The following IQCM variants were observed in gnomAD, a reference collection of about 807,000 sequenced individuals.
IQCM encodes the protein IQ domain-containing protein M.
Under a neutral mutation model 57.6 loss-of-function variants are expected in IQCM, and 45 were observed. The observed-to-expected ratio is 0.78, with a 90% confidence interval of 0.62 to 1.00. The LOEUF is 1.00. Among genes scored for constraint, IQCM ranks in the 50% least tolerant of loss-of-function variants. The pLI is 0.00. For missense variants in IQCM, 468 were observed against 511.6 expected (o/e 0.91, Z 0.82); for synonymous variants, 148 against 158.9 (o/e 0.93, Z 0.51).
At chr4:149,472,319 C>T (rs1173084409) in intron 12 of IQCM, among the ~76,000 whole-genome samples, 3 of 152,134 alleles carry the variant, frequency 2.0e-5, no homozygotes, top group African/African-American at 7.2e-5. Flanking sequence ...CATTCCTATA[C>T]ACCAATAACA....
chr4:149,797,170 A>G (rs1445460006), intron 2 of IQCM, among the ~76,000 whole-genome samples: 1 of 152,156 alleles, frequency 6.6e-6, no homozygotes, highest in African/African-American at 2.4e-5. Flanking sequence ...ATTCAAGATA[A>G]TACAGAGAAG....
At chr4:149,674,073 C>T (rs1460247771) in intron 7 of IQCM, among the ~76,000 whole-genome samples, 1 of 152,030 alleles carries the variant, frequency 6.6e-6, no homozygotes, top group East Asian at 1.9e-4. Flanking sequence ...GTATTCTGTA[C>T]TCAGAAGTCT....
chr4:149,652,652 C>A, intron 7 of IQCM, among the ~76,000 whole-genome samples: 1 of 151,500 alleles, frequency 6.6e-6, no homozygotes. Context: ...ACATCATTTC[C>A]AGAAATGAAG....
intron 12 of IQCM, 47 bp downstream of exon 12, chr4:149,548,408 A>G (rs1748671383): frequency 4.1e-6 from 5 of 1,222,276 alleles, no homozygotes; most frequent in Non-Finnish European, 5.1e-6. Flanking sequence ...AAAAGAAAGA[A>G]GTTGAAAGGA....
At chr4:149,663,622 G>A in intron 7 of IQCM, among the ~76,000 whole-genome samples, 1 of 147,350 alleles carries the variant, frequency 6.8e-6, no homozygotes, top group East Asian at 2.2e-4. Flanking sequence ...TTTACTGACA[G>A]TTGGTTTTCT....
At chr4:149,556,345 C>T (rs1323717639) in intron 10 of IQCM, among the ~76,000 whole-genome samples, 5 of 150,718 alleles carry the variant, frequency 3.3e-5, no homozygotes, top group African/African-American at 7.3e-5. Flanking sequence ...TGGAGAATTC[C>T]GCCATCACAT....
intron 13 of IQCM, among the ~76,000 whole-genome samples, chr4:149,386,196 G>T (rs1731412064): frequency 6.6e-6 from 1 of 152,060 alleles, no homozygotes; most frequent in Admixed American, 6.6e-5. Context: ...TCACTGTGAT[G>T]ACACCTCCAG....
chr4:149,604,648 T>C (rs1201056512), intron 8 of IQCM, among the ~76,000 whole-genome samples: 1 of 152,208 alleles, frequency 6.6e-6, no homozygotes, highest in Non-Finnish European at 1.5e-5. Flanking sequence ...GTCTGGTGTA[T>C]TTTGTTTGAT....
intron 13 of IQCM, among the ~76,000 whole-genome samples, chr4:149,372,014 A>G (rs1001469976): frequency 1.3e-5 from 2 of 152,184 alleles, no homozygotes; most frequent in Non-Finnish European, 2.9e-5. Flanking sequence ...CTGATATTTG[A>G]TTCTTCCAAC....
chr4:149,570,228 A>C (rs1341980862), intron 9 of IQCM, among the ~76,000 whole-genome samples: 2 of 152,110 alleles, frequency 1.3e-5, no homozygotes, highest in Non-Finnish European at 2.9e-5. Context: ...TTTAATAAGA[A>C]TTGATACTTT....
chr4:149,723,833 T>C (rs1257136433), intron 5 of IQCM, among the ~76,000 whole-genome samples: 1 of 151,960 alleles, frequency 6.6e-6, no homozygotes, highest in Non-Finnish European at 1.5e-5. Context: ...TCCTCCTTTT[T>C]GATATTTTGG....
chr4:149,641,538 C>T (rs2150115625), intron 7 of IQCM, among the ~76,000 whole-genome samples: 1 of 152,140 alleles, frequency 6.6e-6, no homozygotes, highest in South Asian at 2.1e-4. Context: ...TGTGTGTTTT[C>T]TCTTTTTGTA....
chr4:149,425,938 T>A (rs965627079), intron 13 of IQCM, among the ~76,000 whole-genome samples: 1 of 152,050 alleles, frequency 6.6e-6, no homozygotes. Context: ...TATTTTATAC[T>A]GCCAGATGTA....
rs561691015 is a variant in IQCM, at chr4:149,479,406, C to T, written c.1229-45849G>A. On this transcript the variant is annotated intron_variant, in intron 12 of 13. Transcript: ENST00000636793. ...AAAATAATACCAATGATAATAATTA[C>T]AAATCTCAATTATTTGAGACTATTT... is the stretch of plus-strand genomic sequence containing the variant. Among the ~76,000 whole-genome samples, 4 of 152,290 alleles carry T rather than the reference C, an allele frequency of 2.6e-5. No individual in the cohort carries two copies. In the East Asian group the frequency reaches 5.8e-4, roughly 22 times the overall value.
At chr4:149,628,004 A>T (rs1579762851) in intron 7 of IQCM, among the ~76,000 whole-genome samples, 1 of 152,328 alleles carries the variant, frequency 6.6e-6, no homozygotes, top group Non-Finnish European at 1.5e-5. Flanking sequence ...CTTCCCTAGC[A>T]TCTCTGGAAG....
At chr4:149,448,441 C>T (rs1270075364) in intron 12 of IQCM, among the ~76,000 whole-genome samples, 1 of 151,356 alleles carries the variant, frequency 6.6e-6, no homozygotes, top group East Asian at 1.9e-4. Flanking sequence ...TGCCTTAAAA[C>T]TCTTGAAAAG....
intron 7 of IQCM, among the ~76,000 whole-genome samples, chr4:149,624,684 G>A (rs1247074516): frequency 6.6e-6 from 1 of 152,096 alleles, no homozygotes; most frequent in Non-Finnish European, 1.5e-5. Flanking sequence ...TCTTAGTATC[G>A]CAAATGAATA....
chr4:149,512,907 T>C (rs1483168208), intron 12 of IQCM, among the ~76,000 whole-genome samples: 1 of 152,162 alleles, frequency 6.6e-6, no homozygotes, highest in Non-Finnish European at 1.5e-5. Context: ...TAATCTAAGT[T>C]TACAATGTCT....
rs368729431 is a variant in IQCM at position 149,452,632 on chromosome 4, T to C, written c.1229-19075A>G. On this transcript the variant is annotated intron_variant, in intron 12 of 13. Coordinates refer to ENST00000636793, the MANE Select transcript of IQCM (RefSeq NM_001363507.2). ...CATATAAAAAGCTGTACAAAATTAG[T>C]GTATACATATTGTGCATAAGTGTAT... 7.3e-5 allele frequency among the ~76,000 whole-genome samples: 11 copies of C among 151,648 alleles called. No homozygotes were observed. The East Asian group carries it at 1.2e-3, about 16-fold the overall frequency.
Sources: gnomAD v4.1 joint callset for allele counts (sites outside exome capture counted in the v4.1 genomes callset) on GRCh38, gnomAD v4.1.1 for gene constraint, MANE v1.5 for transcripts, NCBI Gene and HGNC (gene_info 2026-07-23, HGNC 2026-07-21) for gene names.